The following ANXA4 variants were observed in gnomAD, a reference collection of about 807,000 sequenced individuals.
The protein encoded by ANXA4 is 35-beta calcimedin.
In ANXA4, 39 loss-of-function variants were observed where a neutral mutation model predicts 49.8. That is an observed-to-expected ratio of 0.78 (90% CI 0.61 to 1.02). The LOEUF (loss-of-function observed/expected upper bound fraction) is 1.02, where lower values mean the gene tolerates loss of function less well. ANXA4 is among the 50% of genes least tolerant of loss of function. ANXA4 has a pLI of 0.00. For synonymous variants in ANXA4, 134 were observed against 152.5 expected (o/e 0.88, Z 0.89); for missense variants, 360 against 410.1 (o/e 0.88, Z 1.05).
chr2:69,662,811 A>AT (rs1255226168), intron 2 of ANXA4, among the ~76,000 whole-genome samples: 1 of 152,058 alleles, frequency 6.6e-6, no homozygotes, highest in Non-Finnish European at 1.5e-5. Flanking sequence ...GGGTTGCGAG[A>AT]TAAAATACAG....
intron 4 of ANXA4, among the ~76,000 whole-genome samples, chr2:69,805,756 C>T (rs1365069494): frequency 2.0e-5 from 3 of 152,130 alleles, no homozygotes; most frequent in African/African-American, 7.2e-5. Context: ...CAAACATATT[C>T]ACCTCAAAGT....
intron 2 of ANXA4, among the ~76,000 whole-genome samples, chr2:69,686,719 G>T (rs1273957736): frequency 2.0e-5 from 3 of 152,200 alleles, no homozygotes; most frequent in African/African-American, 7.2e-5. Context: ...GCCTCCCAGA[G>T]GGCTGGGATT....
At chr2:69,813,872 C>T (rs11673732) in intron 8 of ANXA4, among the ~76,000 whole-genome samples, 33,091 of 151,202 alleles carry the variant, frequency 0.22, 3,905 homozygotes, top group African/African-American at 0.3. Flanking sequence ...ATTCTCCCAC[C>T]TCAGCCTCCT....
intron 1 of ANXA4, among the ~76,000 whole-genome samples, chr2:69,647,388 T>TTTTATTTA (rs199943902): frequency 0.11 from 16,089 of 145,892 alleles, 1,076 homozygotes; most frequent in African/African-American, 0.18. Context: ...TTTATTTTTA[T>TTTTATTTA]TTTATTTATT....
chr2:69,792,936 A>G (rs965285279), intron 3 of ANXA4, among the ~76,000 whole-genome samples: 2 of 152,210 alleles, frequency 1.3e-5, no homozygotes, highest in African/African-American at 4.8e-5. Flanking sequence ...AGGCACGTTG[A>G]TAGTTTTTAA....
chr2:69,797,424 T>C (rs954300934), intron 3 of ANXA4, among the ~76,000 whole-genome samples: 3 of 152,132 alleles, frequency 2.0e-5, no homozygotes, highest in Admixed American at 1.3e-4. Flanking sequence ...GCCTAATAAT[T>C]GGGTAATTAC....
chr2:69,751,507 C>CAAAAAA (rs71397349), intron 1 of ANXA4, among the ~76,000 whole-genome samples: 1 of 96,878 alleles, frequency 1.0e-5, no homozygotes. Flanking sequence ...GACCCTGTCT[C>CAAAAAA]AAAAAAAAAA....
intron 12 of ANXA4, among the ~76,000 whole-genome samples, chr2:69,823,096 T>C (rs1183931055): frequency 1.3e-5 from 2 of 149,372 alleles, no homozygotes; most frequent in Non-Finnish European, 3.0e-5. Flanking sequence ...TTATATATTG[T>C]TATTACTATT....
intron 1 of ANXA4, among the ~76,000 whole-genome samples, chr2:69,748,148 G>C (rs1258837797): frequency 6.6e-6 from 1 of 151,992 alleles, no homozygotes; most frequent in Non-Finnish European, 1.5e-5. Flanking sequence ...GGCTGAGGCG[G>C]GTGGATCACG....
chr2:69,656,096 G>A (rs1308407815), intron 2 of ANXA4, among the ~76,000 whole-genome samples: 1 of 151,156 alleles, frequency 6.6e-6, no homozygotes, highest in Admixed American at 6.6e-5. Flanking sequence ...GATGGGTCCA[G>A]CAAACCACCA....
At chr2:69,730,540 A>G (rs1197643313) in intron 3 of ANXA4, among the ~76,000 whole-genome samples, 2 of 152,208 alleles carry the variant, frequency 1.3e-5, no homozygotes, top group Non-Finnish European at 2.9e-5. Context: ...CAAATTTGTG[A>G]GCAGTCTCCT....
intron 3 of ANXA4, among the ~76,000 whole-genome samples, chr2:69,728,020 T>G (rs898169048): frequency 6.6e-6 from 1 of 152,236 alleles, no homozygotes; most frequent in African/African-American, 2.4e-5. Flanking sequence ...TAAATATGGT[T>G]ATGGATCTTT....
chr2:69,677,482 G>A (rs1028520883), intron 2 of ANXA4, among the ~76,000 whole-genome samples: 32 of 151,364 alleles, frequency 2.1e-4, no homozygotes, highest in African/African-American at 7.3e-4. Flanking sequence ...CACCAGCCTC[G>A]AGCTCCCAAA....
At chr2:69,741,268 C>G (rs931266049), upstream of ANXA4, among the ~76,000 whole-genome samples, 3 of 152,194 alleles carry the variant, frequency 2.0e-5, no homozygotes, top group African/African-American at 7.2e-5. Flanking sequence ...ATTCTGCAAG[C>G]ATTCACTACG....
chr2:69,783,365 G>A (rs779366754), intron 2 of ANXA4, among the ~76,000 whole-genome samples: 2 of 152,022 alleles, frequency 1.3e-5, no homozygotes. Context: ...ACAGGCGCTC[G>A]CCACCACGCC....
chr2:69,648,889 T>C (rs1309174468), intron 1 of ANXA4, among the ~76,000 whole-genome samples: 2 of 121,672 alleles, frequency 1.6e-5, no homozygotes, highest in Non-Finnish European at 3.1e-5. Context: ...CTTTCTTTTC[T>C]TTTTTTTTTT....
At chr2:69,753,754 G>A (rs1012165245) in intron 1 of ANXA4, among the ~76,000 whole-genome samples, 1 of 152,180 alleles carries the variant, frequency 6.6e-6, no homozygotes, top group Non-Finnish European at 1.5e-5. Flanking sequence ...TCCTCCTGGG[G>A]CTAGCCCCAC....
At chr2:69,825,435 C>T in intron 12 of ANXA4, 21 bp from the exon 13 acceptor site, 1 of 1,594,040 alleles carries the variant, frequency 6.3e-7, no homozygotes, top group South Asian at 1.1e-5. Flanking sequence ...ATTTATCTAA[C>T]TTTGCTTCCC....
intron 3 of ANXA4, among the ~76,000 whole-genome samples, chr2:69,725,265 T>G (rs1466184551): frequency 6.6e-6 from 1 of 151,828 alleles, no homozygotes; most frequent in Non-Finnish European, 1.5e-5. Flanking sequence ...ATTTTAGCAT[T>G]AATCATTTCG....
Sources: gnomAD v4.1 joint callset for allele counts (sites outside exome capture counted in the v4.1 genomes callset) on GRCh38, gnomAD v4.1.1 for gene constraint, MANE v1.5 for transcripts, NCBI Gene and HGNC (gene_info 2026-07-23, HGNC 2026-07-21) for gene names.